DLG1: variants seen among roughly 807,000 people sequenced by gnomAD.
DLG1 encodes the protein discs large MAGUK scaffold protein 1, also known as disks large homolog 1.
Under a neutral mutation model 123.4 loss-of-function variants are expected in DLG1, and 42 were observed. The observed-to-expected ratio is 0.34, with a 90% CI of 0.27 to 0.44. DLG1 has a LOEUF of 0.44. Ranked by LOEUF, DLG1 falls within the 20% of genes least tolerant of loss-of-function variation. DLG1 has a pLI of 1.00. For missense variants in DLG1, 942 were observed against 1,082.6 expected, an observed-to-expected ratio of 0.87 and a Z score of 1.82; for synonymous variants, 317 against 356.2, an observed-to-expected ratio of 0.89 and a Z score of 1.24.
chr3:197,200,430 T>C (rs1403329735), intron 4 of DLG1, among the ~76,000 whole-genome samples: 2 of 152,180 alleles, frequency 1.3e-5, no homozygotes, highest in Admixed American at 6.5e-5. Context: ...CAGTGAGGCT[T>C]AATATGAATT....
chr3:197,294,573 GCGTGAA>G (rs1288106566), intron 3 of DLG1, among the ~76,000 whole-genome samples: 1 of 151,602 alleles, frequency 6.6e-6, no homozygotes, highest in East Asian at 1.9e-4. Context: ...CAGGAGAATG[GCGTGAA>G]CCTGGCAGGC....
intron 4 of DLG1, among the ~76,000 whole-genome samples, chr3:197,232,084 A>T (rs946361954): frequency 1.3e-5 from 2 of 152,254 alleles, no homozygotes; most frequent in Admixed American, 1.3e-4. Flanking sequence ...TACTATTTAT[A>T]AATCTGTTCT....
chr3:197,083,588 G>A (rs1752441490), intron 16 of DLG1, among the ~76,000 whole-genome samples: 1 of 152,104 alleles, frequency 6.6e-6, no homozygotes, highest in Admixed American at 6.6e-5. Flanking sequence ...CTCTAAGCTG[G>A]GACCATCCTT....
chr3:197,187,307 G>A (rs1404212659), intron 5 of DLG1, among the ~76,000 whole-genome samples: 2 of 152,138 alleles, frequency 1.3e-5, no homozygotes, highest in East Asian at 3.8e-4. Flanking sequence ...CTAGAAACAG[G>A]AAAACTTCTA....
chr3:197,190,169 T>A (rs1397917068), intron 5 of DLG1, among the ~76,000 whole-genome samples: 2 of 152,214 alleles, frequency 1.3e-5, no homozygotes, highest in Non-Finnish European at 2.9e-5. Flanking sequence ...GTATGAATGC[T>A]TTCTCTCTCA....
chr3:197,238,383 A>G (rs1300961948), intron 4 of DLG1, among the ~76,000 whole-genome samples: 1 of 152,220 alleles, frequency 6.6e-6, no homozygotes, highest in Non-Finnish European at 1.5e-5. Flanking sequence ...TTAATGAACA[A>G]TTACAAATAT....
At chr3:197,172,320 C>T (rs891001884) in intron 5 of DLG1, among the ~76,000 whole-genome samples, 1 of 152,026 alleles carries the variant, frequency 6.6e-6, no homozygotes, top group Admixed American at 6.6e-5. Flanking sequence ...TAATTAACAA[C>T]TATTTTACTG....
At chr3:197,054,849 CTT>C (rs1389316568) in intron 23 of DLG1, among the ~76,000 whole-genome samples, 5 of 151,548 alleles carry the variant, frequency 3.3e-5, no homozygotes, top group African/African-American at 1.2e-4. Context: ...GAGTTTTGCT[CTT>C]GTTGCCTAGG....
At chr3:197,110,528 C>T (rs1236311445) in intron 13 of DLG1, among the ~76,000 whole-genome samples, 1 of 152,218 alleles carries the variant, frequency 6.6e-6, no homozygotes, top group South Asian at 2.1e-4. Context: ...CCATTGATTG[C>T]GTTTTTCTCC....
At chr3:197,234,134 T>C (rs184432676) in intron 4 of DLG1, among the ~76,000 whole-genome samples, 1 of 152,320 alleles carries the variant, frequency 6.6e-6, no homozygotes, top group Non-Finnish European at 1.5e-5. Flanking sequence ...ATACCAGAGA[T>C]AAGGTTTTGA....
intron 4 of DLG1, among the ~76,000 whole-genome samples, chr3:197,258,047 C>G (rs573451903): frequency 1.9e-4 from 29 of 152,116 alleles, no homozygotes; most frequent in Non-Finnish European, 3.5e-4. Context: ...GATTAAAGTA[C>G]ATAAAAATGT....
At chr3:197,206,514 G>A (rs1163338391) in intron 4 of DLG1, among the ~76,000 whole-genome samples, 1 of 152,018 alleles carries the variant, frequency 6.6e-6, no homozygotes, top group East Asian at 1.9e-4. Flanking sequence ...TGCGCAGGCT[G>A]GTCTGGAACT....
chr3:197,068,535 T>C (rs1741337603), intron 19 of DLG1: 1 of 1,578,440 alleles, frequency 6.3e-7, no homozygotes, highest in Non-Finnish European at 8.6e-7. Flanking sequence ...GTAATCAAGA[T>C]TACTTTCATA....
chr3:197,297,647 T>A, intron 1 of DLG1: 1 of 995,392 alleles, frequency 1.0e-6, no homozygotes, highest in Non-Finnish European at 1.2e-6. Flanking sequence ...CCGCCCGCCC[T>A]GCTCGGGCCC....
At chr3:197,279,165 G>C (rs1047485399) in intron 4 of DLG1, among the ~76,000 whole-genome samples, 1 of 152,126 alleles carries the variant, frequency 6.6e-6, no homozygotes, top group South Asian at 2.1e-4. Flanking sequence ...TCCAAATGAA[G>C]CATGAATGGA....
intron 14 of DLG1, among the ~76,000 whole-genome samples, chr3:197,104,505 A>C (rs1183689407): frequency 6.6e-6 from 1 of 152,100 alleles, no homozygotes; most frequent in Non-Finnish European, 1.5e-5. Flanking sequence ...AACATGGAGA[A>C]ACTCTATCTC....
chr3:197,067,420 A>C (rs1457528208), intron 19 of DLG1, among the ~76,000 whole-genome samples: 6 of 152,260 alleles, frequency 3.9e-5, no homozygotes, highest in African/African-American at 1.4e-4. Context: ...TTAAAAACAC[A>C]AGAAGTTAAA....
intron 5 of DLG1, among the ~76,000 whole-genome samples, chr3:197,159,562 T>A (rs544264731): frequency 6.6e-6 from 1 of 152,354 alleles, no homozygotes; most frequent in East Asian, 1.9e-4. Context: ...AAGTAGTGGA[T>A]CTTTTAAGAA....
intron 4 of DLG1, among the ~76,000 whole-genome samples, chr3:197,213,491 G>C (rs1445116594): frequency 1.3e-5 from 2 of 152,166 alleles, no homozygotes; most frequent in Non-Finnish European, 2.9e-5. Flanking sequence ...TGGTTTCACA[G>C]GGGTCTGCAG....
Sources: gnomAD v4.1 joint callset for allele counts (sites outside exome capture counted in the v4.1 genomes callset) on GRCh38, gnomAD v4.1.1 for gene constraint, MANE v1.5 for transcripts, NCBI Gene and HGNC (gene_info 2026-07-23, HGNC 2026-07-21) for gene names.